Variants in STK10 observed in about 807,000 individuals in gnomAD.
STK10 encodes the protein serine/threonine kinase 10.
Under a neutral mutation model 113.8 loss-of-function variants are expected in STK10, and 78 were observed. That is an observed-to-expected ratio of 0.69 (90% CI 0.57 to 0.83). STK10 has a LOEUF of 0.83. Ranked by LOEUF, STK10 falls within the 40% of genes least tolerant of loss-of-function variation. The pLI is 0.00. For synonymous variants in STK10, 465 were observed against 494.7 expected, an observed-to-expected ratio of 0.94 and a Z score of 0.80; for missense variants, 1,109 against 1,280.1, an observed-to-expected ratio of 0.87 and a Z score of 2.04.
chr5:172,086,641 C>G (rs1320363959), intron 10 of STK10, among the ~76,000 whole-genome samples: 1 of 152,168 alleles, frequency 6.6e-6, no homozygotes, highest in Non-Finnish European at 1.5e-5. Context: ...TAGGTGTGAC[C>G]CAATTCTCCA....
intron 3 of STK10, among the ~76,000 whole-genome samples, chr5:172,124,081 TA>T (rs1178634256): frequency 6.6e-6 from 1 of 152,096 alleles, no homozygotes; most frequent in Non-Finnish European, 1.5e-5. Context: ...TGCAAACCAC[TA>T]ACGCCCAGCT....
At chr5:172,128,178 C>T (rs1320590836) in intron 2 of STK10, among the ~76,000 whole-genome samples, 1 of 137,402 alleles carries the variant, frequency 7.3e-6, no homozygotes, top group Admixed American at 8.3e-5. Context: ...CCACCCGCTG[C>T]ACTCCAGCCT....
intron 1 of STK10, among the ~76,000 whole-genome samples, chr5:172,182,372 T>C (rs985019920): frequency 6.6e-6 from 1 of 151,610 alleles, no homozygotes; most frequent in Admixed American, 6.6e-5. Flanking sequence ...ATTTTCTATT[T>C]TTTGTTTTGT....
intron 2 of STK10, among the ~76,000 whole-genome samples, chr5:172,155,726 G>A (rs1775291331): frequency 6.6e-6 from 1 of 152,090 alleles, no homozygotes; most frequent in Admixed American, 6.6e-5. Context: ...TGGGCATGGT[G>A]GCTAACACCA....
intron 1 of STK10, among the ~76,000 whole-genome samples, chr5:172,165,694 T>C (rs1487253767): frequency 2.0e-5 from 3 of 152,138 alleles, no homozygotes; most frequent in Non-Finnish European, 2.9e-5. Flanking sequence ...AAAATGAAAC[T>C]TGTCACAGTC....
At chr5:172,136,245 T>C (rs1017511858) in intron 2 of STK10, among the ~76,000 whole-genome samples, 1 of 152,084 alleles carries the variant, frequency 6.6e-6, no homozygotes, top group Non-Finnish European at 1.5e-5. Context: ...GCCTGGATCA[T>C]GAAGAAACAG....
chr5:172,158,755 T>C (rs1770405613), intron 1 of STK10, among the ~76,000 whole-genome samples: 1 of 152,200 alleles, frequency 6.6e-6, no homozygotes, highest in Admixed American at 6.5e-5. Flanking sequence ...GGATGAATCC[T>C]GAAAACATTA....
chr5:172,160,576 A>G (rs1172006656), intron 1 of STK10, among the ~76,000 whole-genome samples: 2 of 152,154 alleles, frequency 1.3e-5, no homozygotes, highest in Admixed American at 1.3e-4. Context: ...GACTGAATGA[A>G]CATATTATAG....
At chr5:172,145,756 T>C (rs936025534) in intron 2 of STK10, among the ~76,000 whole-genome samples, 6 of 152,128 alleles carry the variant, frequency 3.9e-5, no homozygotes, top group Non-Finnish European at 7.4e-5. Flanking sequence ...GTGGGGGTGA[T>C]GGTAGAGGCT....
intron 15 of STK10, 42 bp downstream of exon 15, chr5:172,057,307 G>T: frequency 6.4e-7 from 1 of 1,566,260 alleles, no homozygotes. Context: ...TCCCAGGTCG[G>T]CCCGGCAGCA....
rs1388671485 is a variant in STK10, at chr5:172,123,591, C to CT, written c.370+3781dup. Reference sequence around the variant, plus strand: ...GCTAGCTGGCTTCCATTTTCCCCTTCTTTTTTTAGTATCAGCACATATGGC... The same window carrying CT: ...GCTAGCTGGCTTCCATTTTCCCCTTCTTTTTTTTAGTATCAGCACATATGGC... On this transcript the variant is annotated intron_variant, in intron 3 of 18. Coordinates refer to ENST00000176763, the MANE Select transcript of STK10 (RefSeq NM_005990.4). 3.3e-5 allele frequency among the ~76,000 whole-genome samples: 5 copies of CT among 152,316 alleles called. No homozygotes were observed. The East Asian group carries it at 9.6e-4, about 29-fold the overall frequency.
Position 172,042,194 on chromosome 5 carries a change from T to C in STK10, c.*2688A>G, listed in dbSNP as rs568848761. On this transcript the variant is annotated 3_prime_UTR_variant, in exon 19 of 19. Transcript: ENST00000176763. ...ACTACATAAAAATAATTTCTATCTTTCATAAAGGGAAAATAAAAGTTAGTT... is the reference window on the plus strand; with the variant it reads ...ACTACATAAAAATAATTTCTATCTTCCATAAAGGGAAAATAAAAGTTAGTT... 1 of 152,738 alleles carries C rather than the reference T, an allele frequency of 6.5e-6. No homozygotes were observed. The highest frequency in any genetic ancestry group is 2.1e-4 in the South Asian group (1 of 4,820). The allele number at this position is 152,738 out of a possible 1,614,324, so 9.5% of individuals were successfully genotyped here. A position where few individuals can be genotyped will look rare whatever the true frequency, so the allele number is the denominator to read the frequency against.
intron 1 of STK10, among the ~76,000 whole-genome samples, chr5:172,178,142 C>A (rs2113840436): frequency 6.6e-6 from 1 of 152,314 alleles, no homozygotes; most frequent in Middle Eastern, 3.4e-3. Context: ...ATCAAATTAT[C>A]TGATACTTAC....
Position 172,117,544 on chromosome 5 carries a change from T to A in STK10, c.457A>T (p.Ile153Phe). Residue 153 changes from isoleucine (I) to phenylalanine (F), a missense_variant, in exon 4 of 19, where the codon ATC becomes TTC. Ile to Phe is a conservative substitution (Grantham distance 21). Around this residue, in one of 5 missense-constraint regions of STK10, gnomAD observed 120 missense variants for 134.8 expected, o/e 0.89. Coordinates refer to ENST00000176763, the MANE Select transcript of STK10 (RefSeq NM_005990.4). ...EALNFLHSKR[I>F]IHRDLKAGNV... is the part of the protein sequence containing the mutation. ...CCAGCTTTCAGATCTCGGTGGATGATCCTCTTGCTGTGCAGGAAGTTGAGG... is the reference window on the plus strand; with the variant it reads ...CCAGCTTTCAGATCTCGGTGGATGAACCTCTTGCTGTGCAGGAAGTTGAGG... 2.5e-6 allele frequency: 4 copies of A among 1,612,378 alleles called. No individual in the cohort carries two copies. The highest frequency in any genetic ancestry group is 3.4e-6 in the Non-Finnish European group (4 of 1,179,610).
At chr5:172,183,592 C>T (rs577671058) in intron 1 of STK10, among the ~76,000 whole-genome samples, 2 of 151,810 alleles carry the variant, frequency 1.3e-5, no homozygotes, top group South Asian at 2.1e-4. Context: ...GGATTACAGG[C>T]TTACAGGCAT....
chr5:172,181,294 T>C (rs1009329621), intron 1 of STK10, among the ~76,000 whole-genome samples: 1 of 152,202 alleles, frequency 6.6e-6, no homozygotes, highest in East Asian at 1.9e-4. Flanking sequence ...TTCTGAACTT[T>C]TTTTAAAAGA....
intron 3 of STK10, among the ~76,000 whole-genome samples, chr5:172,126,333 G>C (rs1769618543): frequency 6.6e-6 from 1 of 152,210 alleles, no homozygotes; most frequent in South Asian, 2.1e-4. Context: ...GGGAGGCAGA[G>C]GCAGGTGGAT....
intron 12 of STK10, among the ~76,000 whole-genome samples, chr5:172,073,665 G>T (rs899339384): frequency 1.3e-4 from 20 of 151,830 alleles, no homozygotes; most frequent in Non-Finnish European, 1.8e-4. Context: ...TATAATTCAA[G>T]GCCGGGAGCA....
At chr5:172,174,812 C>T (rs1168163482) in intron 1 of STK10, among the ~76,000 whole-genome samples, 1 of 152,138 alleles carries the variant, frequency 6.6e-6, no homozygotes. Flanking sequence ...GGTCCGGAAG[C>T]AGAAAGGAGC....
Sources: allele counts gnomAD v4.1 joint callset (sites outside exome capture counted in the v4.1 genomes callset), GRCh38; gene constraint gnomAD v4.1.1; regional missense constraint gnomAD v4.1.1; transcripts MANE v1.5; gene names NCBI Gene and HGNC (gene_info 2026-07-23, HGNC 2026-07-21).